The following PDZRN4 variants were observed in gnomAD, a reference collection of about 807,000 sequenced individuals.
The protein encoded by PDZRN4 is PDZ domain containing ring finger 4.
PDZRN4 carries 70 observed loss-of-function variants against 99.0 expected under a neutral mutation model. That is an observed-to-expected ratio of 0.71 (90% confidence interval 0.58 to 0.86). PDZRN4 has a LOEUF of 0.86. Among genes scored for constraint, PDZRN4 ranks in the 40% least tolerant of loss-of-function variants. The probability of loss-of-function intolerance (pLI) is 0.00; values close to 1 mark genes in which losing one functional copy is unlikely to be tolerated. For synonymous variants in PDZRN4, 551 were observed against 501.6 expected (o/e 1.10, Z -1.32); for missense variants, 1,474 against 1,331.2 (o/e 1.11, Z -1.67).
chr12:41,479,809 TTTAA>T (rs1330240407), intron 3 of PDZRN4, among the ~76,000 whole-genome samples: 1 of 152,174 alleles, frequency 6.6e-6, no homozygotes, highest in Non-Finnish European at 1.5e-5. Context: ...AAATGTGGGA[TTTAA>T]TTAATGTATG....
At chr12:41,477,552 G>C (rs2120588078) in intron 3 of PDZRN4, among the ~76,000 whole-genome samples, 1 of 152,304 alleles carries the variant, frequency 6.6e-6, no homozygotes, top group East Asian at 1.9e-4. Flanking sequence ...CATAGTTTGA[G>C]TATTTTAATT....
intron 3 of PDZRN4, among the ~76,000 whole-genome samples, chr12:41,386,667 G>A (rs567142786): frequency 1.3e-5 from 2 of 152,094 alleles, no homozygotes; most frequent in Non-Finnish European, 2.9e-5. Flanking sequence ...AATAACCAAG[G>A]GCAATCCTAA....
At chr12:41,466,756 T>G (rs1053858743) in intron 3 of PDZRN4, among the ~76,000 whole-genome samples, 1 of 151,648 alleles carries the variant, frequency 6.6e-6, no homozygotes, top group South Asian at 2.1e-4. Flanking sequence ...CCAGTGTTTT[T>G]TTTTTTTTTT....
chr12:41,190,396 G>A (rs1339630585), intron 1 of PDZRN4, among the ~76,000 whole-genome samples: 1 of 152,228 alleles, frequency 6.6e-6, no homozygotes, highest in East Asian at 1.9e-4. Context: ...GAAAAGCACA[G>A]ATAGAAGCTT....
Position 41,194,203 on chromosome 12 carries a change from A to C in PDZRN4, c.843+15A>C, listed in dbSNP as rs1409173630. On this transcript the variant is annotated intron_variant, in intron 3 of 9. Transcript: ENST00000402685. ...AAATCATGGAGGTAAGACAATGATA[A>C]AACATGTATATGATCCATGCAAGAA... 7.4e-6 allele frequency: 8 copies of C among 1,083,566 alleles called. No individual in the cohort carries two copies. The highest frequency in any genetic ancestry group is 9.9e-6 in the Non-Finnish European group (7 of 710,162). The allele number at this position is 1,083,566 out of a possible 1,614,324, so 67.1% of individuals were successfully genotyped here. A position where few individuals can be genotyped will look rare whatever the true frequency, so the allele number is the denominator to read the frequency against.
At chr12:41,207,706 T>C (rs116618880) in intron 3 of PDZRN4, among the ~76,000 whole-genome samples, 2 of 151,852 alleles carry the variant, frequency 1.3e-5, no homozygotes, top group Non-Finnish European at 2.9e-5. Flanking sequence ...CAAATGGCTA[T>C]GTGTAACAAA....
At chr12:41,262,396 G>T (rs1444560764) in intron 3 of PDZRN4, among the ~76,000 whole-genome samples, 1 of 152,158 alleles carries the variant, frequency 6.6e-6, no homozygotes, top group Non-Finnish European at 1.5e-5. Context: ...TCATAAAATG[G>T]AATGCCCGTG....
chr12:41,405,647 C>T (rs913302930), intron 3 of PDZRN4, among the ~76,000 whole-genome samples: 4 of 152,150 alleles, frequency 2.6e-5, no homozygotes, highest in South Asian at 2.1e-4. Context: ...CACATGCGCT[C>T]ATGTATTTAT....
intron 3 of PDZRN4, among the ~76,000 whole-genome samples, chr12:41,232,411 T>C (rs1233317889): frequency 1.3e-5 from 2 of 152,118 alleles, no homozygotes; most frequent in African/African-American, 2.4e-5. Flanking sequence ...AGGCAGTTCC[T>C]GGATCTGTAA....
intron 3 of PDZRN4, among the ~76,000 whole-genome samples, chr12:41,472,986 G>C (rs1331713913): frequency 6.6e-6 from 1 of 152,132 alleles, no homozygotes; most frequent in Admixed American, 6.5e-5. Flanking sequence ...TGCCATTATT[G>C]AGCAGCCAGT....
intron 3 of PDZRN4, among the ~76,000 whole-genome samples, chr12:41,501,915 AAT>A (rs1938118143): frequency 6.6e-6 from 1 of 152,028 alleles, no homozygotes; most frequent in Non-Finnish European, 1.5e-5. Flanking sequence ...AATTCATTTG[AAT>A]ATATACCTTA....
chr12:41,303,958 A>G (rs1191402064), intron 3 of PDZRN4, among the ~76,000 whole-genome samples: 1 of 152,196 alleles, frequency 6.6e-6, no homozygotes, highest in Non-Finnish European at 1.5e-5. Context: ...TGAACAAGAC[A>G]CAAACTCTGG....
At chr12:41,462,994 A>G (rs1318732520) in intron 3 of PDZRN4, among the ~76,000 whole-genome samples, 2 of 152,196 alleles carry the variant, frequency 1.3e-5, no homozygotes, top group African/African-American at 2.4e-5. Flanking sequence ...GCTTCTGTCC[A>G]TGATAGGCAC....
At chr12:41,378,254 C>T (rs553444842) in intron 3 of PDZRN4, among the ~76,000 whole-genome samples, 1 of 152,214 alleles carries the variant, frequency 6.6e-6, no homozygotes, top group African/African-American at 2.4e-5. Context: ...TTTCATTCTT[C>T]TTCCTGTTAA....
chr12:41,328,275 T>C (rs1038755023), intron 3 of PDZRN4, among the ~76,000 whole-genome samples: 3 of 151,998 alleles, frequency 2.0e-5, no homozygotes, highest in African/African-American at 7.2e-5. Flanking sequence ...TAGATAAAAA[T>C]GTGTCCAGAA....
At chr12:41,197,731 C>T (rs1299416372) in intron 3 of PDZRN4, among the ~76,000 whole-genome samples, 1 of 152,054 alleles carries the variant, frequency 6.6e-6, no homozygotes, top group East Asian at 1.9e-4. Flanking sequence ...ACAGAAAATC[C>T]CTGATCCTAT....
intron 3 of PDZRN4, among the ~76,000 whole-genome samples, chr12:41,214,155 AC>A (rs2120706615): frequency 6.6e-6 from 1 of 150,626 alleles, no homozygotes; most frequent in South Asian, 2.1e-4. Flanking sequence ...ATATTGGCTT[AC>A]GCCTCTAATC....
chr12:41,344,555 A>C (rs1751507507), intron 3 of PDZRN4, among the ~76,000 whole-genome samples: 2 of 57,822 alleles, frequency 3.5e-5, no homozygotes, highest in South Asian at 1.1e-3. Flanking sequence ...TGAAAAAAAG[A>C]AAAAACAACT....
At chr12:41,558,456 A>G (rs554912848) in intron 7 of PDZRN4, among the ~76,000 whole-genome samples, 1 of 152,302 alleles carries the variant, frequency 6.6e-6, no homozygotes, top group East Asian at 1.9e-4. Flanking sequence ...GTTCCCAGCT[A>G]ACCCCTCTTC....
Sources: allele counts gnomAD v4.1 joint callset (sites outside exome capture counted in the v4.1 genomes callset), GRCh38; gene constraint gnomAD v4.1.1; transcripts MANE v1.5; gene names NCBI Gene and HGNC (gene_info 2026-07-23, HGNC 2026-07-21).